ZNF26: variants seen among roughly 807,000 people sequenced by gnomAD.
ZNF26 encodes the protein zinc finger protein 26.
Under a neutral mutation model 54.9 loss-of-function variants are expected in ZNF26, and 32 were observed. The observed-to-expected ratio is 0.58, with a 90% confidence interval of 0.44 to 0.78. The LOEUF (loss-of-function observed/expected upper bound fraction) is 0.78, where lower values mean the gene tolerates loss of function less well. ZNF26 is among the 30% of genes least tolerant of loss of function. The pLI is 0.00. For missense variants in ZNF26, 524 were observed against 634.0 expected (o/e 0.83, Z 1.86); for synonymous variants, 221 against 209.2 (o/e 1.06, Z -0.49).
In ZNF26 at chr12:133,013,637, A is replaced by T. The variant is rs1399003054; in HGVS notation, c.*2156A>T. 6.1e-6 allele frequency: 1 copy of T among 163,658 alleles called. No individual in the cohort carries two copies. The highest frequency in any genetic ancestry group is 2.4e-5 in the African/African-American group (1 of 41,408). The allele number at this position is 163,658 out of a possible 1,614,324, so 10.1% of individuals were successfully genotyped here. On this transcript the variant is annotated 3_prime_UTR_variant, in exon 4 of 4. Coordinates refer to ENST00000328654, the MANE Select transcript of ZNF26 (RefSeq NM_019591.4). ...TAGCAAACTCTTCTGATAGACTTTGAATAGGAGTATCTGGGAAGAACCTGA... is the reference window on the plus strand; with the variant it reads ...TAGCAAACTCTTCTGATAGACTTTGTATAGGAGTATCTGGGAAGAACCTGA...
At chr12:132,996,944 G>A (rs1248005595) in intron 1 of ZNF26, among the ~76,000 whole-genome samples, 1 of 152,012 alleles carries the variant, frequency 6.6e-6, no homozygotes, top group African/African-American at 2.4e-5. Context: ...CATTTAATAG[G>A]GACTTAAGAA....
rs934878053 is a variant in ZNF26, at chr12:133,011,680, G to A, written c.*199G>A. ...TGTAGATGAAAATAATGGAAGGAAT[G>A]TGGAGCAATAAATGTATCAAATGTT... On this transcript the variant is annotated 3_prime_UTR_variant, in exon 4 of 4. Transcript: ENST00000328654. The A allele has an allele frequency of 6.9e-6, 3 of 433,760 alleles. No individual in the cohort carries two copies. Among genetic ancestry groups the A allele is most frequent in the East Asian group, 3.6e-5 (1 of 27,480 alleles). The allele number at this position is 433,760 out of a possible 1,614,324, so 26.9% of individuals were successfully genotyped here. A position where few individuals can be genotyped will look rare whatever the true frequency, so the allele number is the denominator to read the frequency against.
In ZNF26 at chr12:133,020,637, AACAATCGTATAAG is replaced by A. The variant is rs1953628012; in HGVS notation, c.*9157_*9169del. 1 of 152,212 alleles carries A rather than the reference AACAATCGTATAAG, an allele frequency of 6.6e-6. No individual in the cohort carries two copies. The highest frequency in any genetic ancestry group is 2.4e-5 in the African/African-American group (1 of 41,448). The allele number at this position is 152,212 out of a possible 1,614,324, so 9.4% of individuals were successfully genotyped here. A position where few individuals can be genotyped will look rare whatever the true frequency, so the allele number is the denominator to read the frequency against. ...CTTAATATCCCACTTTCAATATTAGAACAATCGTATAAGTTGTCTAGGACTGTCGTAACAAAGA... is the reference window on the plus strand; with the variant it reads ...CTTAATATCCCACTTTCAATATTAGATTGTCTAGGACTGTCGTAACAAAGA... On this transcript the variant is annotated 3_prime_UTR_variant, in exon 4 of 4. Coordinates refer to ENST00000328654, the MANE Select transcript of ZNF26 (RefSeq NM_019591.4).
At chr12:132,991,352 G>A (rs367855255) in intron 1 of ZNF26, among the ~76,000 whole-genome samples, 9 of 150,956 alleles carry the variant, frequency 6.0e-5, no homozygotes, top group East Asian at 2.0e-4. Flanking sequence ...AAAAGTTAGC[G>A]CCGGGCATGG....
In ZNF26 at chr12:132,986,723, C is replaced by A; in HGVS notation, c.-118C>A. On this transcript the variant is annotated 5_prime_UTR_variant, in exon 1 of 4. Transcript: ENST00000328654. The stretch of plus-strand genomic sequence containing the variant: ...CCCTGCCAACGACTCGGCCCCGGGA[C>A]GGTCAGGAGCCTGGGGCCCTGGTCC... 4 of 1,127,480 alleles carry A rather than the reference C, an allele frequency of 3.5e-6. No individual in the cohort carries two copies. Among genetic ancestry groups the A allele is most frequent in the Non-Finnish European group, 3.8e-6 (3 of 791,532 alleles). The allele number at this position is 1,127,480 out of a possible 1,614,324, so 69.8% of individuals were successfully genotyped here.
rs1356739823 is a variant in ZNF26 at position 133,017,435 on chromosome 12, A to C, written c.*5954A>C. 6.6e-6 allele frequency: 1 copy of C among 152,176 alleles called. No individual in the cohort carries two copies. The highest frequency in any genetic ancestry group is 1.5e-5 in the Non-Finnish European group (1 of 68,060). The allele number at this position is 152,176 out of a possible 1,614,324, so 9.4% of individuals were successfully genotyped here. A position where few individuals can be genotyped will look rare whatever the true frequency, so the allele number is the denominator to read the frequency against. On this transcript the variant is annotated 3_prime_UTR_variant, in exon 4 of 4. Coordinates refer to ENST00000328654, the MANE Select transcript of ZNF26 (RefSeq NM_019591.4). ...TGGCAGTACTTGACAAGCACAGGGC[A>C]CCGTCCTCCAAGATGCAGTCCTGGA...
intron 1 of ZNF26, among the ~76,000 whole-genome samples, chr12:133,000,839 G>A (rs1052492719): frequency 5.9e-5 from 9 of 152,096 alleles, no homozygotes; most frequent in African/African-American, 1.2e-4. Context: ...GATTACAGGC[G>A]TGAACTACCA....
At position 133,024,350 on chromosome 12, in the gene ZNF26, T is replaced by G. The variant is rs1205224119; in HGVS notation, c.*12869T>G. The G allele has an allele frequency of 1.3e-5, 2 of 152,188 alleles. No homozygotes were observed. Among genetic ancestry groups the G allele is most frequent in the Non-Finnish European group, 2.9e-5 (2 of 68,032 alleles). 9.4% of individuals were successfully genotyped at this position (152,188 alleles called of 1,614,324 possible). On this transcript the variant is annotated 3_prime_UTR_variant, in exon 4 of 4. Transcript: ENST00000328654. ...TATTGAAACATGGAGAAAATGAGAC[T>G]TTTTTATGTAGTGACAGGTGTATCA...
chr12:133,002,500 C>T (rs1226564404), intron 1 of ZNF26, among the ~76,000 whole-genome samples: 3 of 152,046 alleles, frequency 2.0e-5, no homozygotes, highest in East Asian at 1.9e-4. Context: ...CTTCTCACAG[C>T]GCTTGCATTT....
In ZNF26 at chr12:133,001,523, A is replaced by G; in HGVS notation, c.34-5519A>G. ...GTGGGGCTTGGTTGGAGCCTCTGAC[A>G]GGGCTCTGCCCTGCAGTTCCATGGT... On this transcript the variant is annotated intron_variant, in intron 1 of 3. Transcript: ENST00000328654. This position sits in a 1 kb window ranked among gnomAD's most constrained non-coding sequence, Gnocchi z 4.7. The G allele has an allele frequency of 2.0e-6, 1 of 511,340 alleles. No homozygotes were observed. Among genetic ancestry groups the G allele is most frequent in the Non-Finnish European group, 3.2e-6 (1 of 312,416 alleles). The allele number at this position is 511,340 out of a possible 1,614,324, so 31.7% of individuals were successfully genotyped here.
At chr12:132,995,715 G>A (rs935463865) in intron 1 of ZNF26, among the ~76,000 whole-genome samples, 9 of 151,964 alleles carry the variant, frequency 5.9e-5, no homozygotes, top group South Asian at 4.2e-4. Context: ...GCAGTGGCGC[G>A]ATCTTGGCTC....
intron 1 of ZNF26, among the ~76,000 whole-genome samples, chr12:132,998,863 T>C (rs74717027): frequency 0.014 from 2,141 of 152,346 alleles, 40 homozygotes; most frequent in African/African-American, 0.049. Context: ...CAAATAACTC[T>C]ATTGCCATAA....
chr12:132,997,884 C>T (rs61953675), intron 1 of ZNF26, among the ~76,000 whole-genome samples: 9,133 of 152,184 alleles, frequency 0.06, 357 homozygotes, highest in Non-Finnish European at 0.082. Flanking sequence ...ATGAAGAAAA[C>T]GAAAACCTGG....
rs1362230573 is a variant in ZNF26, at chr12:133,013,702, G to A, written c.*2221G>A. On this transcript the variant is annotated 3_prime_UTR_variant, in exon 4 of 4. Coordinates refer to ENST00000328654, the MANE Select transcript of ZNF26 (RefSeq NM_019591.4). ...AAACTCTTCTGATAGACTTTGAATA[G>A]GAATGTCTGGGAAGAACCTGAGGAC... The A allele has an allele frequency of 2.4e-5, 4 of 163,394 alleles. No homozygotes were observed. The highest frequency in any genetic ancestry group is 9.7e-5 in the African/African-American group (4 of 41,420). 10.1% of individuals were successfully genotyped at this position (163,394 alleles called of 1,614,324 possible). A position where few individuals can be genotyped will look rare whatever the true frequency, so the allele number is the denominator to read the frequency against.
chr12:132,993,781 A>G (rs1953017058), intron 1 of ZNF26, among the ~76,000 whole-genome samples: 1 of 151,974 alleles, frequency 6.6e-6, no homozygotes, highest in Non-Finnish European at 1.5e-5. Context: ...GCCTTTTAGT[A>G]TTGCCTTGTC....
At chr12:133,007,634 G>A in intron 3 of ZNF26, 102 bp downstream of exon 3, 2 of 794,610 alleles carry the variant, frequency 2.5e-6, no homozygotes, top group Non-Finnish European at 4.0e-6. Flanking sequence ...GCTTCTGGAA[G>A]TCCTTGAGCT....
chr12:132,995,317 T>G (rs1953054034), intron 1 of ZNF26: 1 of 151,772 alleles, frequency 6.6e-6, no homozygotes, highest in African/African-American at 2.4e-5. Context: ...TCCACATCCT[T>G]AACAGACTTG....
chr12:132,997,860 C>T (rs1413304485), intron 1 of ZNF26, among the ~76,000 whole-genome samples: 3 of 152,062 alleles, frequency 2.0e-5, no homozygotes, highest in Non-Finnish European at 2.9e-5. Flanking sequence ...GTTAATGGGC[C>T]GACTAAAAGT....
intron 3 of ZNF26, among the ~76,000 whole-genome samples, chr12:133,009,296 T>C (rs1410134211): frequency 6.6e-6 from 1 of 152,156 alleles, no homozygotes; most frequent in Non-Finnish European, 1.5e-5. Context: ...AGATTTTCTG[T>C]AATTAAAACC....
Sources: allele counts gnomAD v4.1 joint callset (sites outside exome capture counted in the v4.1 genomes callset), GRCh38; gene constraint gnomAD v4.1.1; non-coding constraint Gnocchi (gnomAD v3.1); transcripts MANE v1.5; gene names NCBI Gene and HGNC (gene_info 2026-07-23, HGNC 2026-07-21).